The following KCNIP4 variants were observed in gnomAD, a reference collection of about 807,000 sequenced individuals.
KCNIP4 encodes potassium voltage-gated channel interacting protein 4, also known as Kv channel-interacting protein 4.
In KCNIP4, 12 loss-of-function variants were observed where a neutral mutation model predicts 34.0. The ratio of observed to expected loss-of-function variants is 0.35; its 90% CI spans 0.23 to 0.57. The LOEUF is 0.57. Among genes scored for constraint, KCNIP4 ranks in the 20% least tolerant of loss-of-function variants. The pLI, the probability that KCNIP4 is intolerant of heterozygous loss-of-function variation, is 0.83. For synonymous variants in KCNIP4, 124 were observed against 102.2 expected (o/e 1.21, Z -1.29); for missense variants, 238 against 311.7 (o/e 0.76, Z 1.78).
At chr4:21,606,937 C>T (rs553662804) in intron 1 of KCNIP4, among the ~76,000 whole-genome samples, 1 of 152,274 alleles carries the variant, frequency 6.6e-6, no homozygotes, top group Admixed American at 6.5e-5. Flanking sequence ...CTCTGACTCA[C>T]TCTTCCACTC....
chr4:21,467,389 C>G (rs918635643), intron 1 of KCNIP4, among the ~76,000 whole-genome samples: 1 of 152,124 alleles, frequency 6.6e-6, no homozygotes, highest in African/African-American at 2.4e-5. Context: ...GGATTTGAGT[C>G]TGTTGTAGGA....
chr4:21,027,625 T>A (rs1740668010), intron 1 of KCNIP4, among the ~76,000 whole-genome samples: 1 of 150,524 alleles, frequency 6.6e-6, no homozygotes, highest in Admixed American at 6.6e-5. Context: ...TGTAATCTTC[T>A]TGTCTTTGTC....
chr4:20,840,978 CAAAG>C (rs2149471188), intron 3 of KCNIP4, among the ~76,000 whole-genome samples: 1 of 152,292 alleles, frequency 6.6e-6, no homozygotes, highest in African/African-American at 2.4e-5. Flanking sequence ...GCAAGGGAAT[CAAAG>C]GAAGTTCTTC....
intron 1 of KCNIP4, among the ~76,000 whole-genome samples, chr4:21,200,453 C>G (rs1007833345): frequency 6.0e-5 from 9 of 150,484 alleles, no homozygotes; most frequent in Non-Finnish European, 1.2e-4. Flanking sequence ...GGATACTACA[C>G]AGCCATAAAA....
intron 1 of KCNIP4, among the ~76,000 whole-genome samples, chr4:21,112,065 C>CTATA (rs1387275408): frequency 6.6e-6 from 1 of 151,806 alleles, no homozygotes; most frequent in African/African-American, 2.4e-5. Flanking sequence ...ATCTATCTAT[C>CTATA]TATCTATCAT....
chr4:21,372,834 G>A lies in KCNIP4; in HGVS notation c.62-490125C>T, dbSNP rs1404220111. On this transcript the variant is annotated intron_variant, in intron 1 of 8. Coordinates refer to ENST00000382152, the MANE Select transcript of KCNIP4 (RefSeq NM_025221.6). ...TTTTGTGTTCAGTTCTCAAAATACT[G>A]AATATCTCAAAATAGTGAGGAGTGA... Among the ~76,000 whole-genome samples the A allele has an allele frequency of 1.4e-5, 2 of 145,462 alleles. 1 individual carries two copies. Among genetic ancestry groups the A allele is most frequent in the African/African-American group, 5.6e-5 (2 of 35,676 alleles).
At chr4:21,678,259 C>T (rs1750064286) in intron 1 of KCNIP4, among the ~76,000 whole-genome samples, 1 of 149,438 alleles carries the variant, frequency 6.7e-6, no homozygotes, top group Admixed American at 6.7e-5. Flanking sequence ...TTAGACATTA[C>T]ATTTCAGTTT....
chr4:21,525,044 A>C (rs1735857970), intron 1 of KCNIP4, among the ~76,000 whole-genome samples: 1 of 152,072 alleles, frequency 6.6e-6, no homozygotes, highest in Admixed American at 6.6e-5. Context: ...CCTTCTCCTA[A>C]CTTGGGGAAT....
At chr4:20,947,086 A>G (rs1005165205) in intron 1 of KCNIP4, among the ~76,000 whole-genome samples, 17 of 152,034 alleles carry the variant, frequency 1.1e-4, no homozygotes, top group Admixed American at 1.0e-3. Flanking sequence ...GTCTTGAGGG[A>G]TCAGTGCAAA....
chr4:21,002,621 G>A (rs1738239045), intron 1 of KCNIP4, among the ~76,000 whole-genome samples: 1 of 152,228 alleles, frequency 6.6e-6, no homozygotes, highest in Non-Finnish European at 1.5e-5. Flanking sequence ...ATACGTGGGA[G>A]AGTGTTAAAA....
intron 1 of KCNIP4, among the ~76,000 whole-genome samples, chr4:21,766,790 T>C (rs1471193612): frequency 1.3e-5 from 2 of 152,176 alleles, no homozygotes; most frequent in Admixed American, 6.6e-5. Context: ...CTGACCAGCA[T>C]AGTCATGGAC....
Position 20,865,454 on chromosome 4 carries a change from T to C in KCNIP4, c.164-14787A>G, listed in dbSNP as rs577246474. On this transcript the variant is annotated intron_variant, in intron 2 of 8. Coordinates refer to ENST00000382152, the MANE Select transcript of KCNIP4 (RefSeq NM_025221.6). ...GGCAGCTTATTCATAGTAGCCAAAA[T>C]ATGGAAACAACTTATGTCCATCAAT... 2.0e-5 allele frequency among the ~76,000 whole-genome samples: 3 copies of C among 152,190 alleles called. No homozygotes were observed. In the East Asian group the frequency reaches 5.8e-4, roughly 29 times the overall value.
chr4:20,842,693 G>T (rs545552922), intron 3 of KCNIP4, among the ~76,000 whole-genome samples: 1 of 151,636 alleles, frequency 6.6e-6, no homozygotes, highest in Non-Finnish European at 1.5e-5. Flanking sequence ...GTGGAGAATG[G>T]TTCAGAGGAA....
intron 1 of KCNIP4, among the ~76,000 whole-genome samples, chr4:21,826,749 C>A (rs1722698413): frequency 6.6e-6 from 1 of 151,946 alleles, no homozygotes. Flanking sequence ...CTATACATAG[C>A]AAAATATATT....
intron 1 of KCNIP4, among the ~76,000 whole-genome samples, chr4:21,344,244 T>A (rs917185840): frequency 6.6e-6 from 1 of 152,136 alleles, no homozygotes; most frequent in African/African-American, 2.4e-5. Flanking sequence ...GGAATCCATC[T>A]AATGTGGACT....
chr4:21,700,510 G>A (rs890152256), intron 1 of KCNIP4, among the ~76,000 whole-genome samples: 8 of 151,674 alleles, frequency 5.3e-5, no homozygotes, highest in African/African-American at 1.9e-4. Context: ...TGTATGGTTT[G>A]CAAATATTTT....
intron 1 of KCNIP4, among the ~76,000 whole-genome samples, chr4:21,574,809 G>C (rs1203926508): frequency 6.6e-6 from 1 of 152,084 alleles, no homozygotes; most frequent in African/African-American, 2.4e-5. Flanking sequence ...TACTACTCTT[G>C]TTCTCAAGTT....
At chr4:21,839,014 T>C (rs1389971747) in intron 1 of KCNIP4, among the ~76,000 whole-genome samples, 1 of 152,176 alleles carries the variant, frequency 6.6e-6, no homozygotes, top group East Asian at 1.9e-4. Context: ...GAGGGCACAA[T>C]TGTGTTTTCT....
At chr4:21,323,167 T>C (rs1246823361) in intron 1 of KCNIP4, among the ~76,000 whole-genome samples, 1 of 148,380 alleles carries the variant, frequency 6.7e-6, no homozygotes, top group Non-Finnish European at 1.5e-5. Flanking sequence ...TATATATGTA[T>C]ATATATATGG....
Sources: gnomAD v4.1 joint callset for allele counts (sites outside exome capture counted in the v4.1 genomes callset) on GRCh38, gnomAD v4.1.1 for gene constraint, MANE v1.5 for transcripts, NCBI Gene and HGNC (gene_info 2026-07-23, HGNC 2026-07-21) for gene names.